Variants in RFX3 observed in about 807,000 individuals in gnomAD.
RFX3 encodes the protein transcription factor RFX3.
A neutral mutation model predicts 98.6 loss-of-function variants in RFX3; 14 were observed. That is an observed-to-expected ratio of 0.14 (90% CI 0.09 to 0.22). RFX3 has a LOEUF of 0.22. Among genes scored for constraint, RFX3 ranks in the 10% least tolerant of loss-of-function variants. RFX3 has a pLI of 1.00. For missense variants in RFX3, 639 were observed against 926.9 expected (o/e 0.69, Z 4.03); for synonymous variants, 383 against 328.4 (o/e 1.17, Z -1.80).
At chr9:3,240,818 C>T (rs144277588) in intron 15 of RFX3, among the ~76,000 whole-genome samples, 122 of 152,312 alleles carry the variant, frequency 8.0e-4, no homozygotes, top group African/African-American at 2.8e-3. Flanking sequence ...AAGCCAAGAG[C>T]CACTTGGGCT....
At chr9:3,356,963 G>GAACACACA (rs1563979547) in intron 2 of RFX3, among the ~76,000 whole-genome samples, 2 of 140,846 alleles carry the variant, frequency 1.4e-5, no homozygotes, top group African/African-American at 5.6e-5. Context: ...ATACACACAT[G>GAACACACA]CACACACACG....
At chr9:3,291,390 AAAAACAAAAC>A (rs71324240) in intron 6 of RFX3, among the ~76,000 whole-genome samples, 3,844 of 139,902 alleles carry the variant, frequency 0.027, 54 homozygotes, top group Admixed American at 0.036. Context: ...AAACAAAAAC[AAAAACAAAAC>A]AAAACAAAAC....
chr9:3,441,308 TGAGAGAGA>T (rs562907863), intron 1 of RFX3, among the ~76,000 whole-genome samples: 2 of 147,102 alleles, frequency 1.4e-5, no homozygotes, highest in Non-Finnish European at 3.0e-5. Context: ...GCTACAGAAT[TGAGAGAGA>T]GAGAGAGAGA....
chr9:3,487,535 C>A (rs948350185), intron 1 of RFX3, among the ~76,000 whole-genome samples: 1 of 152,016 alleles, frequency 6.6e-6, no homozygotes, highest in Non-Finnish European at 1.5e-5. Context: ...ATTTCTATAT[C>A]CACGATGCCA....
chr9:3,257,209 T>C lies in RFX3; in HGVS notation c.1606-10A>G. ...CCCAGGAAGCCTGCTCCTGAGACAG[T>C]AACACAGAAAGAAAAGGAAAAGTTC... On this transcript the variant is annotated splice_polypyrimidine_tract_variant and intron_variant, in intron 13 of 16. Coordinates refer to ENST00000617270, the MANE Select transcript of RFX3 (RefSeq NM_001282116.2). 6.2e-7 allele frequency: 1 copy of C among 1,612,904 alleles called. No individual in the cohort carries two copies. Among genetic ancestry groups the C allele is most frequent in the Non-Finnish European group, 8.5e-7 (1 of 1,179,244 alleles).
intron 4 of RFX3, among the ~76,000 whole-genome samples, chr9:3,328,053 T>C (rs1003794637): frequency 6.6e-6 from 1 of 152,044 alleles, no homozygotes; most frequent in Non-Finnish European, 1.5e-5. Context: ...AGAATCAGCA[T>C]GAAGGCAAGT....
chr9:3,488,750 T>C (rs1268312189), intron 1 of RFX3: 1 of 983,594 alleles, frequency 1.0e-6, no homozygotes, highest in African/African-American at 1.7e-5. Flanking sequence ...TAGGGGAATT[T>C]TTGATGTACT....
At position 3,225,291 on chromosome 9, in the gene RFX3, A is replaced by C; in HGVS notation, c.2012-11T>G. 7 of 1,612,344 alleles carry C rather than the reference A, an allele frequency of 4.3e-6. No individual in the cohort carries two copies. Among genetic ancestry groups the C allele is most frequent in the Non-Finnish European group, 5.9e-6 (7 of 1,179,630 alleles). On this transcript the variant is annotated splice_polypyrimidine_tract_variant and intron_variant, in intron 16 of 16. Transcript: ENST00000617270. ...CTTCACTGCCTTCATCTGCACAAAC[A>C]AATAATACCAAGACTATCATCGAAG...
At chr9:3,440,278 A>C (rs897020712) in intron 1 of RFX3, among the ~76,000 whole-genome samples, 1 of 152,058 alleles carries the variant, frequency 6.6e-6, no homozygotes, top group African/African-American at 2.4e-5. Flanking sequence ...AATAAAACAA[A>C]CAAAAAGTAT....
chr9:3,393,914 C>T (rs1257157688), intron 2 of RFX3, among the ~76,000 whole-genome samples: 4 of 151,990 alleles, frequency 2.6e-5, no homozygotes, highest in Admixed American at 2.6e-4. Context: ...CCCTAGAAGC[C>T]CAAACCCCAC....
intron 3 of RFX3, among the ~76,000 whole-genome samples, chr9:3,336,001 C>T (rs1833133234): frequency 6.6e-6 from 1 of 152,118 alleles, no homozygotes; most frequent in Admixed American, 6.5e-5. Context: ...TCCACAATTC[C>T]AGATACTCAG....
chr9:3,414,583 T>C (rs1587580343), intron 1 of RFX3, among the ~76,000 whole-genome samples: 1 of 148,774 alleles, frequency 6.7e-6, no homozygotes, highest in Non-Finnish European at 1.5e-5. Flanking sequence ...TCTACTGCAA[T>C]GTGGTATATA....
chr9:3,481,261 A>T (rs1849735404), intron 1 of RFX3, among the ~76,000 whole-genome samples: 1 of 152,296 alleles, frequency 6.6e-6, no homozygotes, highest in South Asian at 2.1e-4. Flanking sequence ...AATGCCTAAT[A>T]GGCACTTGAT....
intron 2 of RFX3, among the ~76,000 whole-genome samples, chr9:3,357,771 A>G (rs1002956176): frequency 2.6e-5 from 4 of 152,088 alleles, no homozygotes; most frequent in Non-Finnish European, 5.9e-5. Context: ...GAAAAGATAC[A>G]TGTTTGAGGT....
At chr9:3,267,070 G>A (rs1823740645) in intron 11 of RFX3, among the ~76,000 whole-genome samples, 3 of 151,976 alleles carry the variant, frequency 2.0e-5, no homozygotes, top group Admixed American at 1.3e-4. Context: ...TCAGTTATCA[G>A]TGATGACTAT....
intron 1 of RFX3, among the ~76,000 whole-genome samples, chr9:3,488,611 G>T (rs1303176719): frequency 1.3e-5 from 2 of 152,118 alleles, no homozygotes; most frequent in East Asian, 3.8e-4. Flanking sequence ...AAAGATTATT[G>T]TAACTCTGAA....
intron 7 of RFX3, 126 bp downstream of exon 7, chr9:3,288,005 C>G: frequency 1.1e-6 from 1 of 889,610 alleles, no homozygotes; most frequent in Middle Eastern, 2.3e-4. Flanking sequence ...TAAGAACTAT[C>G]TGTAGTGAAA....
chr9:3,277,197 T>C, intron 8 of RFX3, 143 bp downstream of exon 8: 1 of 689,124 alleles, frequency 1.5e-6, no homozygotes, highest in Non-Finnish European at 2.4e-6. Context: ...GAACTAGGAC[T>C]GTTATACATA....
At chr9:3,381,881 A>T (rs1309697382) in intron 2 of RFX3, among the ~76,000 whole-genome samples, 2 of 152,180 alleles carry the variant, frequency 1.3e-5, no homozygotes, top group Non-Finnish European at 2.9e-5. Context: ...AACCAGAAAT[A>T]AAAAGTTATA....
Sources: gnomAD v4.1 joint callset for allele counts (sites outside exome capture counted in the v4.1 genomes callset) on GRCh38, gnomAD v4.1.1 for gene constraint, MANE v1.5 for transcripts, NCBI Gene and HGNC (gene_info 2026-07-23, HGNC 2026-07-21) for gene names.